WDR86: variants seen among roughly 807,000 people sequenced by gnomAD.
WDR86 encodes WD repeat-containing protein 86.
Under a neutral mutation model 36.5 loss-of-function variants are expected in WDR86, and 30 were observed. The ratio of observed to expected loss-of-function variants is 0.82; its 90% CI spans 0.61 to 1.11. WDR86 has a LOEUF of 1.11. Ranked by LOEUF, WDR86 falls within the 50% of genes most tolerant of loss-of-function variation. WDR86 has a pLI of 0.00. For synonymous variants in WDR86, 255 were observed against 252.9 expected (o/e 1.01, Z -0.08); for missense variants, 545 against 561.2 (o/e 0.97, Z 0.29).
chr7:151,369,529 GTATTA>G, the WDR86 span, among the ~76,000 whole-genome samples: 8 of 152,294 alleles, frequency 5.3e-5, no homozygotes, highest in African/African-American at 1.9e-4. Context: ...GAAACAAGTT[GTATTA>G]TATTATGAAA....
Position 151,405,714 on chromosome 7 carries a change from A to G in WDR86, c.163+3713T>C, listed in dbSNP as rs4726023. 0.84 allele frequency among the ~76,000 whole-genome samples: 127,606 copies of G among 152,170 alleles called. 54,031 individuals are homozygous for G. Among genetic ancestry groups the G allele is most frequent in the African/African-American group, 0.94 (39,019 of 41,538 alleles). On this transcript the variant is annotated intron_variant, in intron 1 of 5. Coordinates refer to ENST00000334493, the MANE Select transcript of WDR86 (RefSeq NM_198285.3). This position sits in a 1 kb window ranked among gnomAD's most constrained non-coding sequence, Gnocchi z 4.7. ...TGAGGCTGCTGTGGCTCTTGTCACC[A>G]GCGTGCCGCAGGCCTCCTTCAGCCC...
intron 3 of WDR86, among the ~76,000 whole-genome samples, chr7:151,393,886 G>A (rs1395185382): frequency 2.0e-5 from 3 of 152,172 alleles, no homozygotes; most frequent in Admixed American, 6.5e-5. Context: ...GCCGGGGAGC[G>A]TGAAGAGTGG....
At chr7:151,380,456 G>T (rs1284607500), downstream of WDR86, among the ~76,000 whole-genome samples, 10 of 152,136 alleles carry the variant, frequency 6.6e-5, no homozygotes, top group Admixed American at 6.5e-4. Context: ...CCTGCAGCAG[G>T]TGCTTCTCTC....
downstream of WDR86, chr7:151,377,300 G>GCA: frequency 1.2e-6 from 1 of 865,246 alleles, no homozygotes; most frequent in Admixed American, 3.6e-5. Flanking sequence ...AGCTCTTTCT[G>GCA]TTCTTACTTT....
At chr7:151,374,125 AAG>A (rs748049930), downstream of WDR86, 8 of 1,567,016 alleles carry the variant, frequency 5.1e-6, no homozygotes, top group South Asian at 1.2e-5. Flanking sequence ...AAGGAGGAAA[AAG>A]AGAAGAAAAG....
chr7:151,381,873 C>G lies in WDR86; in HGVS notation c.966+5G>C. 1 of 1,606,718 alleles carries G rather than the reference C, an allele frequency of 6.2e-7. No homozygotes were observed. The highest frequency in any genetic ancestry group is 8.5e-7 in the Non-Finnish European group (1 of 1,177,160). On this transcript the variant is annotated splice_donor_5th_base_variant and intron_variant, in intron 5 of 5. Transcript: ENST00000334493. The surrounding 1 kb of genome is among the most constrained non-coding windows in gnomAD (Gnocchi z 4.8). ...GGCGGCCCCGAGAAGGGCAGAGGGA[C>G]CTACCTGGATGCAGTTGATGATGAA...
At chr7:151,383,852 G>A (rs1563044206) in intron 4 of WDR86, among the ~76,000 whole-genome samples, 1 of 152,216 alleles carries the variant, frequency 6.6e-6, no homozygotes, top group Non-Finnish European at 1.5e-5. Context: ...GGGCAACAGT[G>A]AGCTGCAGGC....
the WDR86 span, among the ~76,000 whole-genome samples, chr7:151,370,336 G>T: frequency 6.6e-6 from 1 of 151,932 alleles, no homozygotes; most frequent in African/African-American, 2.4e-5. Context: ...TGATCCTCCC[G>T]CCTTGGCCTC....
At chr7:151,408,273 T>C (rs369730859) in intron 1 of WDR86, among the ~76,000 whole-genome samples, 1 of 150,304 alleles carries the variant, frequency 6.7e-6, no homozygotes, top group Admixed American at 6.6e-5. Context: ...CTTGGCTCAC[T>C]GCAACCTCTG....
downstream of WDR86, chr7:151,377,306 A>ACTT: frequency 9.8e-7 from 1 of 1,020,748 alleles, no homozygotes; most frequent in Non-Finnish European, 1.4e-6. Flanking sequence ...TTCTGTTCTT[A>ACTT]CTTTTTATCT....
chr7:151,381,588 C>A lies in WDR86; in HGVS notation c.1125G>T (p.Pro375=). The A allele has an allele frequency of 7.3e-7, 1 of 1,370,302 alleles. No homozygotes were observed. The allele number at this position is 1,370,302 out of a possible 1,614,324, so 84.9% of individuals were successfully genotyped here. The change falls in exon 6 of 6, where the codon CCG becomes CCT. Residue 375 remains proline (P), a synonymous_variant. Coordinates refer to ENST00000334493, the MANE Select transcript of WDR86 (RefSeq NM_198285.3). This position sits in a 1 kb window ranked among gnomAD's most constrained non-coding sequence, Gnocchi z 4.8. ...KVGCAAAPLQ[P]A Reference sequence around the variant, plus strand: ...CTGCAGGGGCCCCGCGGGATCAGGCCGGCTGCAGGGGCGCGGCGGCGCAGC... The same window carrying A: ...CTGCAGGGGCCCCGCGGGATCAGGCAGGCTGCAGGGGCGCGGCGGCGCAGC...
chr7:151,390,579 A>G lies in WDR86; in HGVS notation c.726+5197T>C, dbSNP rs891838820. Reference sequence around the variant, plus strand: ...CTGGCAGGCATATACCCGAGAACTGAAGGCAGGATGCACCCAGATCCCGTC... The same window carrying G: ...CTGGCAGGCATATACCCGAGAACTGGAGGCAGGATGCACCCAGATCCCGTC... On this transcript the variant is annotated intron_variant, in intron 3 of 5. Coordinates refer to ENST00000334493, the MANE Select transcript of WDR86 (RefSeq NM_198285.3). The surrounding 1 kb of genome is among the most constrained non-coding windows in gnomAD (Gnocchi z 4.5). 1.3e-5 allele frequency among the ~76,000 whole-genome samples: 2 copies of G among 152,230 alleles called. No individual in the cohort carries two copies. Among genetic ancestry groups the G allele is most frequent in the Non-Finnish European group, 2.9e-5 (2 of 68,034 alleles).
At chr7:151,369,385 C>G in the WDR86 span, among the ~76,000 whole-genome samples, 4 of 152,156 alleles carry the variant, frequency 2.6e-5, no homozygotes, top group African/African-American at 9.7e-5. Flanking sequence ...TGGTGGCAAA[C>G]GGTCCCCTCT....
downstream of WDR86, among the ~76,000 whole-genome samples, chr7:151,380,038 C>T (rs79157279): frequency 2.6e-5 from 4 of 152,190 alleles, no homozygotes; most frequent in African/African-American, 4.8e-5. Flanking sequence ...CCAATGGCTC[C>T]GGGACGCAGC....
chr7:151,397,618 G>A (rs72503095), intron 2 of WDR86, among the ~76,000 whole-genome samples: 2,792 of 136,898 alleles, frequency 0.02, 122 homozygotes, highest in East Asian at 0.067. Flanking sequence ...AGTGCGGGAG[G>A]AAGAGGGTGT....
rs1217396119 is a variant in WDR86 at position 151,405,812 on chromosome 7, G to C, written c.163+3615C>G. Among the ~76,000 whole-genome samples, 1 of 152,224 alleles carries C rather than the reference G, an allele frequency of 6.6e-6. No individual in the cohort carries two copies. Among genetic ancestry groups the C allele is most frequent in the African/African-American group, 2.4e-5 (1 of 41,458 alleles). On this transcript the variant is annotated intron_variant, in intron 1 of 5. Coordinates refer to ENST00000334493, the MANE Select transcript of WDR86 (RefSeq NM_198285.3). The surrounding 1 kb of genome is among the most constrained non-coding windows in gnomAD (Gnocchi z 4.7). ...TATGCCACCGGCTCCCAGCAAATGG[G>C]AATGTGGGGTTGTACCCAGGAAATT... is the stretch of plus-strand genomic sequence containing the variant.
In WDR86 at chr7:151,396,084, C is replaced by G. The variant is rs1340952111; in HGVS notation, c.418G>C (p.Val140Leu). ...GGGGCAGAGTAGGCTAGGGTCAGCA[C>G]GCAGTTGCGGTGGCCCCGGAACTCC... ...SREFRGHRNC[V>L]LTLAYSAPWD... is the part of the protein sequence containing the mutation. Residue 140 changes from valine (V) to leucine (L), a missense_variant, in exon 3 of 6, where the codon GTG becomes CTG. By Grantham distance (32) the Val-to-Leu change is conservative. Transcript: ENST00000334493. 2 of 1,612,756 alleles carry G rather than the reference C, an allele frequency of 1.2e-6. No homozygotes were observed. The highest frequency in any genetic ancestry group is 2.7e-5 in the African/African-American group (2 of 75,056).
intron 4 of WDR86, among the ~76,000 whole-genome samples, chr7:151,382,505 G>T (rs1014545494): frequency 6.6e-6 from 1 of 152,204 alleles, no homozygotes; most frequent in Non-Finnish European, 1.5e-5. Context: ...TTTCTCCTAA[G>T]ATTTCAGTCC....
At chr7:151,372,406 G>A (rs1168673830), downstream of WDR86, among the ~76,000 whole-genome samples, 3 of 152,254 alleles carry the variant, frequency 2.0e-5, no homozygotes, top group African/African-American at 7.2e-5. Flanking sequence ...GTTGGTGTGA[G>A]GTCTGTGTTA....
Sources: allele counts gnomAD v4.1 joint callset (sites outside exome capture counted in the v4.1 genomes callset), GRCh38; gene constraint gnomAD v4.1.1; non-coding constraint Gnocchi (gnomAD v3.1); transcripts MANE v1.5; gene names NCBI Gene and HGNC (gene_info 2026-07-23, HGNC 2026-07-21).